NTN5: variants seen among roughly 807,000 people sequenced by gnomAD.
NTN5 encodes the protein netrin-5.
A neutral mutation model predicts 38.7 loss-of-function variants in NTN5; 42 were observed. The ratio of observed to expected loss-of-function variants is 1.08; its 90% CI spans 0.85 to 1.40. The LOEUF (loss-of-function observed/expected upper bound fraction) is 1.40, where lower values mean the gene tolerates loss of function less well. Ranked by LOEUF, NTN5 falls within the 40% of genes most tolerant of loss-of-function variation. NTN5 has a pLI of 0.00. For missense variants in NTN5, 658 were observed against 716.5 expected, an observed-to-expected ratio of 0.92 and a Z score of 0.93; for synonymous variants, 329 against 303.9, an observed-to-expected ratio of 1.08 and a Z score of -0.86.
At chr19:48,663,283 T>A in intron 6 of NTN5, 180 bp downstream of exon 6, 7 of 698,224 alleles carry the variant, frequency 1.0e-5, no homozygotes, top group East Asian at 2.8e-5. Flanking sequence ...GAATGCCCCC[T>A]CCCCACTCCC....
chr19:48,666,390 CAG>C (rs1368460027), intron 2 of NTN5, among the ~76,000 whole-genome samples: 1 of 152,100 alleles, frequency 6.6e-6, no homozygotes, highest in Non-Finnish European at 1.5e-5. Flanking sequence ...AATACATTAA[CAG>C]GGCATAGTGG....
intron 2 of NTN5, among the ~76,000 whole-genome samples, chr19:48,667,036 G>T (rs772849740): frequency 6.6e-6 from 1 of 151,940 alleles, no homozygotes; most frequent in African/African-American, 2.4e-5. Flanking sequence ...CATGTTCTTG[G>T]AAAAACAACT....
intron 6 of NTN5, 132 bp from the exon 7 acceptor site, chr19:48,662,173 A>G (rs998485466): frequency 1.0e-5 from 10 of 960,484 alleles, no homozygotes; most frequent in Non-Finnish European, 1.4e-5. Context: ...TGGGGAGAGA[A>G]ACCTTGAACC....
intron 2 of NTN5, chr19:48,667,197 G>A (rs2031727738): frequency 6.1e-6 from 1 of 162,792 alleles, no homozygotes; most frequent in Middle Eastern, 5.4e-4. Flanking sequence ...AAGGGTAATC[G>A]TTTTGCCTCA....
intron 1 of NTN5, among the ~76,000 whole-genome samples, chr19:48,671,972 C>T (rs1408506833): frequency 6.6e-6 from 1 of 152,114 alleles, no homozygotes; most frequent in Non-Finnish European, 1.5e-5. Flanking sequence ...TCAGGGGAAG[C>T]AGACACCTGG....
intron 4 of NTN5, 112 bp downstream of exon 4, chr19:48,664,031 C>G: frequency 2.9e-6 from 4 of 1,374,284 alleles, no homozygotes; most frequent in Non-Finnish European, 3.9e-6. Flanking sequence ...AGCCTCCAGC[C>G]TTGGGCTCCC....
chr19:48,669,982 CATCACCACCACCATCACCAT>C (rs2031905649), intron 2 of NTN5, among the ~76,000 whole-genome samples: 3 of 31,712 alleles, frequency 9.5e-5, no homozygotes, highest in Non-Finnish European at 1.5e-4. Context: ...TCATCACCAT[CATCACCACCACCATCACCAT>C]CACCACCATC....
intron 1 of NTN5, among the ~76,000 whole-genome samples, 177 bp from the exon 2 acceptor site, chr19:48,671,183 G>A (rs528860262): frequency 6.6e-6 from 1 of 152,238 alleles, no homozygotes; most frequent in South Asian, 2.1e-4. Flanking sequence ...ATAACCCAAA[G>A]GGGAAAGAAC....
intron 2 of NTN5, among the ~76,000 whole-genome samples, chr19:48,665,156 T>A (rs2031667216): frequency 1.3e-5 from 2 of 151,252 alleles, no homozygotes; most frequent in Non-Finnish European, 2.9e-5. Flanking sequence ...ATCTTTTAAA[T>A]GGGTAGGCCG....
intron 4 of NTN5, 61 bp from the exon 5 acceptor site, chr19:48,663,875 G>A: frequency 6.5e-7 from 1 of 1,527,746 alleles, no homozygotes; most frequent in Non-Finnish European, 9.1e-7. Flanking sequence ...CCTCGCCCCT[G>A]CCCCGGGAAT....
At chr19:48,667,860 GA>G (rs968851515) in intron 2 of NTN5, among the ~76,000 whole-genome samples, 21 of 147,610 alleles carry the variant, frequency 1.4e-4, no homozygotes, top group East Asian at 7.9e-4. Context: ...CATCTCAAAA[GA>G]AAAAAAAAAG....
At chr19:48,664,524 C>G in intron 3 of NTN5, 55 bp downstream of exon 3, 1 of 1,498,610 alleles carries the variant, frequency 6.7e-7, no homozygotes, top group Non-Finnish European at 8.9e-7. Context: ...CCCTCAGCCC[C>G]AGGAGTCCAG....
At position 48,672,951 on chromosome 19, in the gene NTN5, G is replaced by A. The variant is rs768995590; in HGVS notation, c.-40C>T. On this transcript the variant is annotated 5_prime_UTR_variant, in exon 1 of 7. The change creates a new upstream start codon in the 5' untranslated region. Coordinates refer to ENST00000270235, the MANE Select transcript of NTN5 (RefSeq NM_145807.4). ...CCAAACCTGCACTCAAGAAGAGAGC[G>A]TCCTGCAGCCAGTTCCCCGCAGGCT... The A allele has an allele frequency of 1.4e-4, 41 of 295,448 alleles. No individual in the cohort carries two copies. The highest frequency in any genetic ancestry group is 2.6e-4 in the Non-Finnish European group (38 of 143,544). 18.3% of individuals were successfully genotyped at this position (295,448 alleles called of 1,614,324 possible). A position where few individuals can be genotyped will look rare whatever the true frequency, so the allele number is the denominator to read the frequency against.
At position 48,664,717 on chromosome 19, in the gene NTN5, A is replaced by G; in HGVS notation, c.682T>C (p.Phe228Leu). 1 of 1,602,430 alleles carries G rather than the reference A, an allele frequency of 6.2e-7. No individual in the cohort carries two copies. Among genetic ancestry groups the G allele is most frequent in the Non-Finnish European group, 8.5e-7 (1 of 1,174,588 alleles). ...ARRCRFNSEL[F>L]RLSGGRSGGV... The stretch of plus-strand genomic sequence containing the variant: ...CCACTCCGGCCGCCCGACAGTCTGA[A>G]CAGCTCAGAGTTGAACCGGCAGCGT... The change falls in exon 3 of 7, where the codon TTC (phenylalanine) becomes CTC (leucine). Residue 228 changes from phenylalanine to leucine, a missense_variant. Transcript: ENST00000270235.
rs779342155 is a variant in NTN5, at chr19:48,670,418, C to T, written c.569G>A (p.Arg190His). ...CCAGGGCCAGTCTCGATGGGACGGG[C>T]GGCAGCTCTCGCACCCCGGGCCAGT... ...HTTGPGCESC[R>H]PSHRDWPWRP... Residue 190 changes from arginine (R) to histidine (H), a missense_variant, in exon 2 of 7, where the codon CGC becomes CAC. Coordinates refer to ENST00000270235, the MANE Select transcript of NTN5 (RefSeq NM_145807.4). 1.6e-5 allele frequency: 23 copies of T among 1,446,000 alleles called. No homozygotes were observed. The highest frequency in any genetic ancestry group is 8.9e-5 in the South Asian group (6 of 67,476). 89.6% of individuals were successfully genotyped at this position (1,446,000 alleles called of 1,614,324 possible).
intron 1 of NTN5, among the ~76,000 whole-genome samples, chr19:48,672,134 G>T (rs889917014): frequency 6.6e-6 from 1 of 152,198 alleles, no homozygotes; most frequent in African/African-American, 2.4e-5. Context: ...AGCAGATGGG[G>T]GAACAGATGT....
At chr19:48,669,891 T>TCA (rs1555750049) in intron 2 of NTN5, among the ~76,000 whole-genome samples, 63 of 51,542 alleles carry the variant, frequency 1.2e-3, no homozygotes, top group African/African-American at 5.1e-3. Flanking sequence ...ACCATCACCA[T>TCA]CACCACCACC....
rs2031908023 is a variant in NTN5, at chr19:48,669,996, TCACCATCACCAC to T, written c.631+348_631+359del. Among the ~76,000 whole-genome samples the T allele has an allele frequency of 1.1e-4, 9 of 80,696 alleles. 1 individual carries two copies. Among genetic ancestry groups the T allele is most frequent in the African/African-American group, 4.4e-4 (9 of 20,494 alleles). 52.9% of individuals were successfully genotyped at this position (80,696 alleles called of 152,430 possible). A position where few individuals can be genotyped will look rare whatever the true frequency, so the allele number is the denominator to read the frequency against. ...ATCATCACCATCATCACCACCACCA[TCACCATCACCAC>T]CATCATCACCACCACCATCACCACC... On this transcript the variant is annotated intron_variant, in intron 2 of 6. Transcript: ENST00000270235.
chr19:48,668,472 T>G (rs1314178793), intron 2 of NTN5, among the ~76,000 whole-genome samples: 1 of 152,178 alleles, frequency 6.6e-6, no homozygotes, highest in Non-Finnish European at 1.5e-5. Context: ...TTGCCCAAGG[T>G]CTCACAGCAG....
Sources: gnomAD v4.1 joint callset for allele counts (sites outside exome capture counted in the v4.1 genomes callset) on GRCh38, gnomAD v4.1.1 for gene constraint, MANE v1.5 for transcripts, NCBI Gene and HGNC (gene_info 2026-07-23, HGNC 2026-07-21) for gene names.